LRMDA: variants seen among roughly 807,000 people sequenced by gnomAD.
LRMDA encodes leucine-rich melanocyte differentiation-associated protein.
Under a neutral mutation model 29.8 loss-of-function variants are expected in LRMDA, and 18 were observed. That is an observed-to-expected ratio of 0.60 (90% CI 0.42 to 0.90). The LOEUF is 0.90. Ranked by LOEUF, LRMDA falls within the 40% of genes least tolerant of loss-of-function variation. LRMDA has a pLI of 0.00. For synonymous variants in LRMDA, 125 were observed against 109.4 expected, an observed-to-expected ratio of 1.14 and a Z score of -0.89; for missense variants, 273 against 273.9, an observed-to-expected ratio of 1.00 and a Z score of 0.02.
chr10:76,345,492 T>C (rs921767678), intron 6 of LRMDA, among the ~76,000 whole-genome samples: 1 of 148,422 alleles, frequency 6.7e-6, no homozygotes, highest in Non-Finnish European at 1.5e-5. Context: ...TATAAATTTA[T>C]ATATATAAAT....
chr10:76,363,176 A>AGAAGGGAGGGAGGGAG lies in LRMDA; in HGVS notation c.601+38692_601+38693insAAGGGAGGGAGGGAGG, dbSNP rs1459442138. ...AAGAAAGAAAGAAAGAAAGAAAGAAAGGAGGGAGGGAGGGAGGGAGGGAGG... is the reference window on the plus strand; with the variant it reads ...AAGAAAGAAAGAAAGAAAGAAAGAAAGAAGGGAGGGAGGGAGGGAGGGAGGGAGGGAGGGAGGGAGG... On this transcript the variant is annotated intron_variant, in intron 6 of 6. Coordinates refer to ENST00000611255, the MANE Select transcript of LRMDA (RefSeq NM_001305581.2). Among the ~76,000 whole-genome samples the AGAAGGGAGGGAGGGAG allele has an allele frequency of 6.0e-4, 13 of 21,794 alleles. 1 individual carries two copies. Among genetic ancestry groups the AGAAGGGAGGGAGGGAG allele is most frequent in the Non-Finnish European group, 1.3e-3 (11 of 8,594 alleles). 14.3% of individuals were successfully genotyped at this position (21,794 alleles called of 152,430 possible).
intron 6 of LRMDA, among the ~76,000 whole-genome samples, chr10:76,429,358 C>T (rs958847493): frequency 1.3e-5 from 2 of 152,092 alleles, no homozygotes; most frequent in Non-Finnish European, 2.9e-5. Flanking sequence ...GATAATATGT[C>T]TTCATAACCA....
intron 5 of LRMDA, among the ~76,000 whole-genome samples, chr10:76,143,184 T>C (rs1158087864): frequency 6.6e-6 from 1 of 152,224 alleles, no homozygotes; most frequent in East Asian, 1.9e-4. Context: ...CAGCATGATT[T>C]ATTATCCTTT....
chr10:75,743,756 G>A (rs921764712), intron 2 of LRMDA: 3 of 152,202 alleles, frequency 2.0e-5, no homozygotes, highest in African/African-American at 7.2e-5. Flanking sequence ...CAAGCATGGC[G>A]ATGGTAGTTT....
chr10:75,691,519 G>A (rs1356276870), intron 2 of LRMDA, among the ~76,000 whole-genome samples: 1 of 152,034 alleles, frequency 6.6e-6, no homozygotes, highest in Non-Finnish European at 1.5e-5. Flanking sequence ...ACTGCTCTGT[G>A]CCCACAGCAC....
chr10:76,458,489 T>A (rs1842480483), intron 6 of LRMDA, among the ~76,000 whole-genome samples: 1 of 152,240 alleles, frequency 6.6e-6, no homozygotes, highest in Non-Finnish European at 1.5e-5. Context: ...CGTACTGCTA[T>A]GGATATGGAA....
At chr10:76,358,696 A>G (rs940969320) in intron 6 of LRMDA, among the ~76,000 whole-genome samples, 6 of 152,328 alleles carry the variant, frequency 3.9e-5, no homozygotes, top group Admixed American at 2.6e-4. Context: ...CCTTGATTTT[A>G]TCTGCACATC....
At chr10:75,884,029 T>C (rs1303132499) in intron 2 of LRMDA, among the ~76,000 whole-genome samples, 5 of 151,960 alleles carry the variant, frequency 3.3e-5, no homozygotes, top group Admixed American at 6.6e-5. Context: ...TGCTTTTGAA[T>C]TTTTATTTTT....
intron 5 of LRMDA, among the ~76,000 whole-genome samples, chr10:76,151,296 C>A (rs921298998): frequency 2.6e-5 from 4 of 152,148 alleles, no homozygotes; most frequent in Non-Finnish European, 5.9e-5. Flanking sequence ...AACAGTTATG[C>A]GGCTTGCTAC....
chr10:75,725,622 G>A (rs1842622326), intron 2 of LRMDA, among the ~76,000 whole-genome samples: 2 of 152,190 alleles, frequency 1.3e-5, no homozygotes, highest in South Asian at 4.1e-4. Flanking sequence ...TCTCACACCT[G>A]CTGCTTTCAG....
intron 5 of LRMDA, among the ~76,000 whole-genome samples, chr10:76,258,632 T>C (rs1839896389): frequency 6.6e-6 from 1 of 152,140 alleles, no homozygotes; most frequent in South Asian, 2.1e-4. Flanking sequence ...CTTCCCAGCC[T>C]CTTGTATCAT....
intron 6 of LRMDA, among the ~76,000 whole-genome samples, chr10:76,351,824 A>C (rs1472160587): frequency 1.3e-5 from 2 of 152,102 alleles, no homozygotes; most frequent in Non-Finnish European, 2.9e-5. Flanking sequence ...AACAGAACTC[A>C]CTAGGCCGGA....
chr10:75,608,109 T>TATATATATA (rs1840979567), intron 2 of LRMDA, among the ~76,000 whole-genome samples: 2 of 79,210 alleles, frequency 2.5e-5, no homozygotes, highest in Admixed American at 1.4e-4. Flanking sequence ...TTGTAGTGTG[T>TATATATATA]GTATATATAT....
At position 76,212,270 on chromosome 10, in the gene LRMDA, A is replaced by ACACAT. The variant is rs1564687628; in HGVS notation, c.517-112131_517-112130insCACAT. Among the ~76,000 whole-genome samples the ACACAT allele has an allele frequency of 6.1e-3, 753 of 123,226 alleles. 13 individuals are homozygous for ACACAT. Among genetic ancestry groups the ACACAT allele is most frequent in the African/African-American group, 0.022 (718 of 31,972 alleles). The allele number at this position is 123,226 out of a possible 152,430, so 80.8% of individuals were successfully genotyped here. On this transcript the variant is annotated intron_variant, in intron 5 of 6. Transcript: ENST00000611255. ...ACACACACACACACACACACACATA[A>ACACAT]AAAAAAAAAACTATAGAGAAATATA...
intron 5 of LRMDA, among the ~76,000 whole-genome samples, chr10:76,140,513 T>C (rs916615678): frequency 6.6e-6 from 1 of 152,174 alleles, no homozygotes; most frequent in African/African-American, 2.4e-5. Flanking sequence ...CTCACTTTTT[T>C]TCTGGGTATC....
At chr10:76,040,163 G>A (rs909278815) in intron 3 of LRMDA, among the ~76,000 whole-genome samples, 13 of 152,086 alleles carry the variant, frequency 8.5e-5, no homozygotes, top group African/African-American at 2.4e-4. Context: ...CCAAAGGAGC[G>A]GCAATCATTG....
chr10:75,695,068 T>C (rs1842217610), intron 2 of LRMDA, among the ~76,000 whole-genome samples: 1 of 151,646 alleles, frequency 6.6e-6, no homozygotes, highest in African/African-American at 2.4e-5. Context: ...GGAGTGGCTA[T>C]TGAGTAGGTG....
At chr10:75,623,470 T>C (rs1217129028) in intron 2 of LRMDA, among the ~76,000 whole-genome samples, 2 of 152,196 alleles carry the variant, frequency 1.3e-5, no homozygotes, top group Non-Finnish European at 2.9e-5. Context: ...GGAGTGACAT[T>C]GTCAGGGTCT....
chr10:76,402,362 C>A (rs937213040), intron 6 of LRMDA: 1 of 151,890 alleles, frequency 6.6e-6, no homozygotes, highest in African/African-American at 2.4e-5. Flanking sequence ...TTTTATTGTT[C>A]TTTTTTTAGA....
Sources: allele counts gnomAD v4.1 joint callset (sites outside exome capture counted in the v4.1 genomes callset), GRCh38; gene constraint gnomAD v4.1.1; transcripts MANE v1.5; gene names NCBI Gene and HGNC (gene_info 2026-07-23, HGNC 2026-07-21).